The following ERC1 variants were observed in gnomAD, a reference collection of about 807,000 sequenced individuals.
ERC1 encodes the protein RAB6 interacting protein 2.
In ERC1, 56 loss-of-function variants were observed where a neutral mutation model predicts 132.0. That is an observed-to-expected ratio of 0.42 (90% CI 0.34 to 0.53). The LOEUF (loss-of-function observed/expected upper bound fraction) is 0.53, where lower values mean the gene tolerates loss of function less well. Among genes scored for constraint, ERC1 ranks in the 20% least tolerant of loss-of-function variants. ERC1 has a pLI of 0.03. For missense variants in ERC1, 1,202 were observed against 1,349.9 expected (o/e 0.89, Z 1.72); for synonymous variants, 478 against 476.1 (o/e 1.00, Z -0.05).
Position 1,236,783 on chromosome 12 carries a change from A to T in ERC1, c.2366A>T (p.Gln789Leu), listed in dbSNP as rs750203087. The T allele has an allele frequency of 8.1e-6, 13 of 1,613,742 alleles. No individual in the cohort carries two copies. Among genetic ancestry groups the T allele is most frequent in the Non-Finnish European group, 1.1e-5 (13 of 1,179,828 alleles). ...TCTGTCATTAGGCAAGTGAAAGACC[A>T]GAATAAGAAGGTAGCAAATCTGAAG... ...IAELERQVKD[Q>L]NKKVANLKHK... is the part of the protein sequence containing the mutation. Residue 789 changes from glutamine to leucine, a missense_variant, in exon 13 of 19, where the codon CAG (glutamine) becomes CTG (leucine). Transcript: ENST00000360905.
chr12:1,098,078 T>C (rs1325862926), intron 3 of ERC1, among the ~76,000 whole-genome samples: 1 of 152,214 alleles, frequency 6.6e-6, no homozygotes, highest in African/African-American at 2.4e-5. Flanking sequence ...AAACTGTCTT[T>C]GGAGCTTTGC....
chr12:1,306,301 G>A (rs1308633439), intron 15 of ERC1, among the ~76,000 whole-genome samples: 2 of 152,266 alleles, frequency 1.3e-5, no homozygotes, highest in Non-Finnish European at 2.9e-5. Context: ...GGAACTTACT[G>A]CTGGGAAGTA....
chr12:1,117,264 C>G (rs1309986771), intron 7 of ERC1, among the ~76,000 whole-genome samples: 1 of 152,058 alleles, frequency 6.6e-6, no homozygotes. Flanking sequence ...ACCTCATAGT[C>G]TTAGAAGACA....
chr12:1,412,264 T>C (rs2091893465), intron 17 of ERC1, among the ~76,000 whole-genome samples: 1 of 152,246 alleles, frequency 6.6e-6, no homozygotes, highest in African/African-American at 2.4e-5. Flanking sequence ...TTCAAACTTT[T>C]GAAATTGACG....
At chr12:1,388,088 G>A (rs1008337720) in intron 16 of ERC1, among the ~76,000 whole-genome samples, 18 of 152,288 alleles carry the variant, frequency 1.2e-4, no homozygotes, top group East Asian at 1.2e-3. Context: ...TCGGCCGGGC[G>A]TGGTGGCTCA....
rs116843341 is a variant in ERC1, at chr12:1,150,614, T to C, written c.1737+8827T>C. ...AAAATAATTGGGTCATTGTTAACAATGATAAGTCATTTTGACAGTATGTGT... is the reference window on the plus strand; with the variant it reads ...AAAATAATTGGGTCATTGTTAACAACGATAAGTCATTTTGACAGTATGTGT... On this transcript the variant is annotated intron_variant, in intron 8 of 18. Coordinates refer to ENST00000360905, the MANE Select transcript of ERC1 (RefSeq NM_178040.4). Among the ~76,000 whole-genome samples the C allele has an allele frequency of 7.6e-3, 1,154 of 152,332 alleles. 4 individuals carry two copies. Among genetic ancestry groups the C allele is most frequent in the Non-Finnish European group, 0.013 (884 of 68,030 alleles).
intron 1 of ERC1, among the ~76,000 whole-genome samples, chr12:1,004,551 T>C (rs1845473876): frequency 6.6e-6 from 1 of 151,576 alleles, no homozygotes; most frequent in Admixed American, 6.6e-5. Flanking sequence ...GGATTACAGG[T>C]GCCCACCACC....
At chr12:1,052,421 T>C (rs1344443) in intron 2 of ERC1, among the ~76,000 whole-genome samples, 32,799 of 152,130 alleles carry the variant, frequency 0.22, 3,831 homozygotes, top group Non-Finnish European at 0.25. Flanking sequence ...TGAATAAATA[T>C]TGCCTTTTTG....
At chr12:1,415,215 A>G (rs2154397112) in intron 17 of ERC1, among the ~76,000 whole-genome samples, 1 of 152,318 alleles carries the variant, frequency 6.6e-6, no homozygotes, top group East Asian at 1.9e-4. Context: ...AGAACAGCAT[A>G]TGCTCTTTCT....
intron 1 of ERC1, among the ~76,000 whole-genome samples, chr12:1,016,329 G>T (rs868197881): frequency 7.2e-5 from 11 of 152,188 alleles, no homozygotes; most frequent in Admixed American, 1.3e-4. Flanking sequence ...TGCTATTAAA[G>T]AATTTTTTTG....
chr12:1,055,819 C>G (rs1467081741), intron 2 of ERC1, among the ~76,000 whole-genome samples: 2 of 151,960 alleles, frequency 1.3e-5, no homozygotes. Flanking sequence ...GAGATGTAAA[C>G]TTTAAATGAG....
At chr12:1,434,333 G>T (rs2092890286) in intron 17 of ERC1, among the ~76,000 whole-genome samples, 1 of 152,128 alleles carries the variant, frequency 6.6e-6, no homozygotes, top group African/African-American at 2.4e-5. Context: ...GATATATGAA[G>T]ATTCTATATA....
chr12:1,279,671 T>A (rs978806861), intron 14 of ERC1, among the ~76,000 whole-genome samples: 1 of 149,792 alleles, frequency 6.7e-6, no homozygotes, highest in Non-Finnish European at 1.5e-5. Flanking sequence ...TTTTTTTTTT[T>A]TAATTTTATT....
intron 12 of ERC1, among the ~76,000 whole-genome samples, chr12:1,196,929 C>T (rs1324792915): frequency 1.8e-4 from 7 of 38,988 alleles, no homozygotes; most frequent in Admixed American, 1.2e-3. Context: ...CACACACACA[C>T]ACACACACAC....
At chr12:1,314,184 G>T (rs2081524275) in intron 15 of ERC1, among the ~76,000 whole-genome samples, 1 of 151,990 alleles carries the variant, frequency 6.6e-6, no homozygotes, top group Non-Finnish European at 1.5e-5. Context: ...AAAGCCTTAA[G>T]AAAAATACTT....
At chr12:1,135,714 G>A (rs947514058) in intron 7 of ERC1, among the ~76,000 whole-genome samples, 5 of 152,202 alleles carry the variant, frequency 3.3e-5, no homozygotes, top group African/African-American at 9.7e-5. Flanking sequence ...TCTACAAGAC[G>A]AGGAGCCAGG....
At chr12:1,111,407 C>T (rs1945843491) in intron 5 of ERC1, among the ~76,000 whole-genome samples, 1 of 152,080 alleles carries the variant, frequency 6.6e-6, no homozygotes, top group South Asian at 2.1e-4. Context: ...TCTCCAGGTT[C>T]TTAGAAATGA....
chr12:1,065,939 G>C (rs1391261707), intron 2 of ERC1, among the ~76,000 whole-genome samples: 1 of 152,142 alleles, frequency 6.6e-6, no homozygotes. Flanking sequence ...GTATGGTTCC[G>C]TGTATATGTA....
At chr12:1,309,472 A>G (rs1291370620) in intron 15 of ERC1, among the ~76,000 whole-genome samples, 1 of 152,010 alleles carries the variant, frequency 6.6e-6, no homozygotes, top group African/African-American at 2.4e-5. Context: ...GTCAGACTAT[A>G]GGGGAAGTGA....
Sources: allele counts gnomAD v4.1 joint callset (sites outside exome capture counted in the v4.1 genomes callset), GRCh38; gene constraint gnomAD v4.1.1; transcripts MANE v1.5; gene names NCBI Gene and HGNC (gene_info 2026-07-23, HGNC 2026-07-21).